The following DLGAP2 variants were observed in gnomAD, a reference collection of about 807,000 sequenced individuals.
DLGAP2 encodes DLG associated protein 2.
In DLGAP2, 26 loss-of-function variants were observed where a neutral mutation model predicts 100.3. The observed-to-expected ratio is 0.26, with a 90% confidence interval of 0.19 to 0.36. DLGAP2 has a LOEUF of 0.36. Ranked by LOEUF, DLGAP2 falls within the 10% of genes least tolerant of loss-of-function variation. The pLI, the probability that DLGAP2 is intolerant of heterozygous loss-of-function variation, is 1.00. For synonymous variants in DLGAP2, 886 were observed against 630.1 expected, an observed-to-expected ratio of 1.41 and a Z score of -6.08; for missense variants, 1,858 against 1,453.2, an observed-to-expected ratio of 1.28 and a Z score of -4.53.
intron 6 of DLGAP2, among the ~76,000 whole-genome samples, chr8:1,606,416 A>G (rs78147535): frequency 0.044 from 6,769 of 152,128 alleles, 181 homozygotes; most frequent in South Asian, 0.074. Flanking sequence ...CACTTCCCCT[A>G]ACTCCTCCAA....
intron 3 of DLGAP2, among the ~76,000 whole-genome samples, chr8:1,452,171 C>T (rs189392580): frequency 3.1e-4 from 47 of 152,284 alleles, no homozygotes; most frequent in African/African-American, 1.1e-3. Flanking sequence ...GGCATAGCCC[C>T]GTGGCTGGAT....
chr8:1,499,446 TTAC>T (rs1414766181), intron 3 of DLGAP2, among the ~76,000 whole-genome samples: 1 of 152,220 alleles, frequency 6.6e-6, no homozygotes, highest in African/African-American at 2.4e-5. Flanking sequence ...TGTTCTCACA[TTAC>T]TCACACATAT....
chr8:1,698,485 G>A (rs933212812), intron 14 of DLGAP2, among the ~76,000 whole-genome samples: 1 of 147,730 alleles, frequency 6.8e-6, no homozygotes, highest in African/African-American at 2.7e-5. Flanking sequence ...AGCCATGCGT[G>A]GGACTAGGCA....
chr8:890,168 C>T (rs542136040), intron 1 of DLGAP2, among the ~76,000 whole-genome samples: 4 of 152,322 alleles, frequency 2.6e-5, no homozygotes, highest in African/African-American at 9.6e-5. Context: ...ATGGGAGCCT[C>T]CAAACGGCTC....
rs116556515 is a variant in DLGAP2 at position 854,805 on chromosome 8, G to A, written c.19-53107G>A. Among the ~76,000 whole-genome samples, 395 of 152,318 alleles carry A rather than the reference G, an allele frequency of 2.6e-3. 1 individual carries two copies. Among genetic ancestry groups the A allele is most frequent in the African/African-American group, 8.9e-3 (370 of 41,576 alleles). On this transcript the variant is annotated intron_variant, in intron 1 of 14. Transcript: ENST00000637795. ...AGGAATGTGGTTTTGGAAATACTGA[G>A]CTTCAGGATGAGGTCCCTGAGATGC...
intron 3 of DLGAP2, among the ~76,000 whole-genome samples, chr8:1,422,720 C>A (rs149143786): frequency 0.01 from 1,535 of 152,006 alleles, 9 homozygotes; most frequent in Non-Finnish European, 0.017. Context: ...GCTCAGGGAA[C>A]TCAACATGCT....
At chr8:1,686,455 G>T (rs761932817) in intron 12 of DLGAP2, among the ~76,000 whole-genome samples, 1 of 152,160 alleles carries the variant, frequency 6.6e-6, no homozygotes, top group East Asian at 1.9e-4. Flanking sequence ...ATCACCTGAG[G>T]TCAGGAGTTT....
intron 4 of DLGAP2, among the ~76,000 whole-genome samples, chr8:1,509,508 G>A (rs1357252740): frequency 1.3e-5 from 2 of 151,890 alleles, no homozygotes; most frequent in African/African-American, 2.4e-5. Flanking sequence ...CCCTTGGCAG[G>A]AGCAATACCT....
intron 2 of DLGAP2, among the ~76,000 whole-genome samples, chr8:1,229,001 T>G (rs79019626): frequency 0.056 from 8,500 of 152,226 alleles, 382 homozygotes; most frequent in African/African-American, 0.12. Flanking sequence ...TATTTGCAAG[T>G]AACATAAAGT....
At chr8:777,789 T>G (rs1442535629) in intron 1 of DLGAP2, among the ~76,000 whole-genome samples, 4 of 152,198 alleles carry the variant, frequency 2.6e-5, no homozygotes, top group African/African-American at 9.7e-5. Context: ...TAACATTTTT[T>G]CCTTCGTTTT....
rs1214608612 is a variant in DLGAP2 at position 1,676,696 on chromosome 8, C to T, written c.2288+78C>T. ...AAAGGCCTGATGGAAGCTCCTAGAT[C>T]CTGCCGGCCCTCAATCATGCCTGTC... On this transcript the variant is annotated intron_variant, in intron 11 of 14. Coordinates refer to ENST00000637795, the MANE Select transcript of DLGAP2 (RefSeq NM_001346810.2). 7.9e-6 allele frequency: 11 copies of T among 1,398,672 alleles called. No homozygotes were observed. In the African/African-American group the frequency reaches 1.0e-4, roughly 13 times the overall value. The allele number at this position is 1,398,672 out of a possible 1,614,324, so 86.6% of individuals were successfully genotyped here.
intron 6 of DLGAP2, among the ~76,000 whole-genome samples, chr8:1,598,316 T>G (rs1406131280): frequency 6.6e-6 from 1 of 152,244 alleles, no homozygotes; most frequent in African/African-American, 2.4e-5. Context: ...GATATAGGCC[T>G]GAAGTTTTCT....
intron 1 of DLGAP2, among the ~76,000 whole-genome samples, chr8:905,731 G>A (rs747619252): frequency 1.8e-4 from 28 of 152,130 alleles, no homozygotes; most frequent in Admixed American, 7.9e-4. Context: ...TGAGGGGGGC[G>A]CCAGCTCCCA....
chr8:1,126,480 C>T (rs1239896670), intron 2 of DLGAP2, among the ~76,000 whole-genome samples: 1 of 151,270 alleles, frequency 6.6e-6, no homozygotes, highest in Non-Finnish European at 1.5e-5. Context: ...GGAGGCAAGG[C>T]AGGTGAGGGG....
At chr8:783,348 C>T (rs543204467) in intron 1 of DLGAP2, among the ~76,000 whole-genome samples, 6 of 152,278 alleles carry the variant, frequency 3.9e-5, no homozygotes, top group African/African-American at 9.6e-5. Flanking sequence ...ACATTTCTTT[C>T]TTCTGTCTTG....
chr8:767,121 G>A (rs1821234345), intron 1 of DLGAP2, among the ~76,000 whole-genome samples: 1 of 152,150 alleles, frequency 6.6e-6, no homozygotes, highest in South Asian at 2.1e-4. Context: ...CTCTTTTGAG[G>A]TTGGTGTCCT....
intron 3 of DLGAP2, among the ~76,000 whole-genome samples, chr8:1,276,591 G>C (rs183178655): frequency 2.0e-5 from 3 of 151,948 alleles, no homozygotes; most frequent in African/African-American, 7.2e-5. Context: ...TTGAGTACAC[G>C]ATGACCAGGA....
intron 2 of DLGAP2, among the ~76,000 whole-genome samples, chr8:1,184,658 C>A (rs2116710305): frequency 6.6e-6 from 1 of 152,250 alleles, no homozygotes; most frequent in Admixed American, 6.5e-5. Context: ...GCAGGCAGCA[C>A]CCTCGGAGTT....
chr8:1,154,939 T>C (rs143389420), intron 2 of DLGAP2, among the ~76,000 whole-genome samples: 3 of 152,310 alleles, frequency 2.0e-5, no homozygotes, highest in African/African-American at 7.2e-5. Flanking sequence ...CTTCTTACTG[T>C]TTCTCCTCAC....
Sources: gnomAD v4.1 joint callset for allele counts (sites outside exome capture counted in the v4.1 genomes callset) on GRCh38, gnomAD v4.1.1 for gene constraint, MANE v1.5 for transcripts, NCBI Gene and HGNC (gene_info 2026-07-23, HGNC 2026-07-21) for gene names.